ST6GALNAC3: variants seen among roughly 807,000 people sequenced by gnomAD.
ST6GALNAC3 encodes ST6 N-acetylgalactosaminide alpha-2,6-sialyltransferase 3.
Under a neutral mutation model 32.7 loss-of-function variants are expected in ST6GALNAC3, and 25 were observed. That is an observed-to-expected ratio of 0.76 (90% CI 0.56 to 1.07). The LOEUF (loss-of-function observed/expected upper bound fraction) is 1.07, where lower values mean the gene tolerates loss of function less well. Among genes scored for constraint, ST6GALNAC3 ranks in the 50% least tolerant of loss-of-function variants. The pLI, the probability that ST6GALNAC3 is intolerant of heterozygous loss-of-function variation, is 0.00. For synonymous variants in ST6GALNAC3, 129 were observed against 133.1 expected (o/e 0.97, Z 0.21); for missense variants, 355 against 382.4 (o/e 0.93, Z 0.60).
chr1:76,620,036 A>G (rs1250317714), intron 3 of ST6GALNAC3, among the ~76,000 whole-genome samples: 1 of 152,096 alleles, frequency 6.6e-6, no homozygotes, highest in African/African-American at 2.4e-5. Context: ...GGTTTTGAAA[A>G]TAGTCACTGA....
At chr1:76,636,109 A>AC (rs1649499484), downstream of ST6GALNAC3, among the ~76,000 whole-genome samples, 1 of 152,186 alleles carries the variant, frequency 6.6e-6, no homozygotes, top group Admixed American at 6.5e-5. Flanking sequence ...GGATATCAGT[A>AC]CCCACATCAG....
chr1:76,209,147 G>A (rs1460696237), intron 1 of ST6GALNAC3, among the ~76,000 whole-genome samples: 2 of 152,094 alleles, frequency 1.3e-5, no homozygotes, highest in African/African-American at 4.8e-5. Flanking sequence ...ATGTTTACTT[G>A]GTAGATTGAT....
chr1:76,256,015 AACACACACAC>A (rs10635688), intron 1 of ST6GALNAC3, among the ~76,000 whole-genome samples: 1 of 148,454 alleles, frequency 6.7e-6, no homozygotes, highest in African/African-American at 2.5e-5. Context: ...TGTCAGTGGT[AACACACACAC>A]ACACACACAC....
intron 2 of ST6GALNAC3, among the ~76,000 whole-genome samples, chr1:76,386,586 G>A (rs1652111856): frequency 6.6e-6 from 1 of 152,054 alleles, no homozygotes; most frequent in African/African-American, 2.4e-5. Flanking sequence ...GACAGGGTAG[G>A]GGCTATTATC....
chr1:76,372,522 T>C (rs1383483765), intron 2 of ST6GALNAC3, among the ~76,000 whole-genome samples: 3 of 152,080 alleles, frequency 2.0e-5, no homozygotes, highest in Non-Finnish European at 4.4e-5. Flanking sequence ...CCTTTCCCTC[T>C]CAGTTAATGA....
At chr1:76,467,242 C>A (rs1420964782) in intron 3 of ST6GALNAC3, among the ~76,000 whole-genome samples, 2 of 151,958 alleles carry the variant, frequency 1.3e-5, no homozygotes, top group African/African-American at 4.8e-5. Flanking sequence ...AGAGAGAAGT[C>A]ATTCCTTTAA....
intron 2 of ST6GALNAC3, among the ~76,000 whole-genome samples, chr1:76,329,158 A>T (rs961536545): frequency 2.2e-4 from 34 of 152,196 alleles, no homozygotes; most frequent in Non-Finnish European, 4.0e-4. Context: ...AAAACACAGG[A>T]ATCATCATGG....
chr1:76,113,184 C>G lies in ST6GALNAC3; in HGVS notation c.18+38300C>G, dbSNP rs908233493. 3.3e-5 allele frequency among the ~76,000 whole-genome samples: 5 copies of G among 152,176 alleles called. No homozygotes were observed. The South Asian group carries it at 8.3e-4, about 25-fold the overall frequency. On this transcript the variant is annotated intron_variant, in intron 1 of 4. Coordinates refer to ENST00000328299, the MANE Select transcript of ST6GALNAC3 (RefSeq NM_152996.4). ...AACCCCGTCTCCACCAAAAAAAATA[C>G]GAAAACCAGTCAGGCGTGGCGGCGC...
chr1:76,458,884 CAAT>C (rs1366378948), intron 3 of ST6GALNAC3, among the ~76,000 whole-genome samples: 2 of 144,664 alleles, frequency 1.4e-5, no homozygotes, highest in African/African-American at 5.1e-5. Flanking sequence ...TAAAGTATAA[CAAT>C]AATAAATTTA....
intron 1 of ST6GALNAC3, among the ~76,000 whole-genome samples, chr1:76,134,297 T>C (rs1396309611): frequency 6.6e-6 from 1 of 152,240 alleles, no homozygotes; most frequent in East Asian, 1.9e-4. Flanking sequence ...GTATCCTTAC[T>C]CATTGAAACT....
chr1:76,234,985 T>C (rs1345771173), intron 1 of ST6GALNAC3, among the ~76,000 whole-genome samples: 1 of 151,738 alleles, frequency 6.6e-6, no homozygotes, highest in Non-Finnish European at 1.5e-5. Flanking sequence ...AACCAAGGAG[T>C]GTGGGCTTCA....
intron 1 of ST6GALNAC3, among the ~76,000 whole-genome samples, chr1:76,255,419 A>G (rs1409686015): frequency 6.6e-6 from 1 of 152,164 alleles, no homozygotes; most frequent in Non-Finnish European, 1.5e-5. Context: ...TATATGCTGT[A>G]GCACTTATCC....
At chr1:76,627,077 C>G (rs1260258401) in intron 3 of ST6GALNAC3, among the ~76,000 whole-genome samples, 3 of 151,910 alleles carry the variant, frequency 2.0e-5, no homozygotes, top group Admixed American at 6.6e-5. Context: ...CCCATCTGGG[C>G]TCCAAGCAAC....
rs80350516 is a variant in ST6GALNAC3, at chr1:76,131,839, C to T, written c.18+56955C>T. On this transcript the variant is annotated intron_variant, in intron 1 of 4. Coordinates refer to ENST00000328299, the MANE Select transcript of ST6GALNAC3 (RefSeq NM_152996.4). ...TTTGGCCCACATGGCTTAAATATTG[C>T]TCTGGGTAGGTGCAGTGCATATTCC... Among the ~76,000 whole-genome samples the T allele has an allele frequency of 6.4e-3, 981 of 152,230 alleles. 33 individuals are homozygous for T. In the East Asian group the frequency reaches 0.1, roughly 16 times the overall value.
chr1:76,222,744 A>C (rs541447502), intron 1 of ST6GALNAC3, among the ~76,000 whole-genome samples: 201 of 152,326 alleles, frequency 1.3e-3, no homozygotes, highest in African/African-American at 4.6e-3. Flanking sequence ...AGCAAAGGAC[A>C]TGAACAGACA....
At chr1:76,091,674 A>G (rs1329936483) in intron 1 of ST6GALNAC3, among the ~76,000 whole-genome samples, 4 of 152,230 alleles carry the variant, frequency 2.6e-5, no homozygotes, top group Admixed American at 2.0e-4. Flanking sequence ...ATATGTTTAG[A>G]TACACAGATA....
At chr1:76,152,125 A>G (rs2100334199) in intron 1 of ST6GALNAC3, among the ~76,000 whole-genome samples, 1 of 152,332 alleles carries the variant, frequency 6.6e-6, no homozygotes, top group Admixed American at 6.5e-5. Flanking sequence ...GAGCCAGAGA[A>G]AAAGCAAAAG....
rs377485169 is a variant in ST6GALNAC3, at chr1:76,519,553, T to C, written c.623+107136T>C. Among the ~76,000 whole-genome samples the C allele has an allele frequency of 8.5e-5, 13 of 152,140 alleles. 1 individual carries two copies. The highest frequency in any genetic ancestry group is 2.2e-4 in the African/African-American group (9 of 41,428). ...ATTTTAATTAATTTAAACTTAAATG[T>C]AAATAGCCATGTGTAGCTAGTGATT... On this transcript the variant is annotated intron_variant, in intron 3 of 4. Transcript: ENST00000328299.
chr1:76,538,151 C>T (rs192133598), intron 3 of ST6GALNAC3, among the ~76,000 whole-genome samples: 3 of 152,254 alleles, frequency 2.0e-5, no homozygotes, highest in African/African-American at 7.2e-5. Context: ...TCCAGCAGTA[C>T]ATCAGAAAAT....
Sources: allele counts gnomAD v4.1 joint callset (sites outside exome capture counted in the v4.1 genomes callset), GRCh38; gene constraint gnomAD v4.1.1; transcripts MANE v1.5; gene names NCBI Gene and HGNC (gene_info 2026-07-23, HGNC 2026-07-21).